NOL6: variants seen among roughly 807,000 people sequenced by gnomAD.
The protein encoded by NOL6 is nucleolar RNA-associated protein.
Under a neutral mutation model 131.7 loss-of-function variants are expected in NOL6, and 33 were observed. The ratio of observed to expected loss-of-function variants is 0.25; its 90% CI spans 0.19 to 0.33. The LOEUF (loss-of-function observed/expected upper bound fraction) is 0.33. NOL6 is among the 10% of genes least tolerant of loss of function. NOL6 has a pLI of 1.00. For missense variants in NOL6, 1,297 were observed against 1,494.5 expected (o/e 0.87, Z 2.18); for synonymous variants, 580 against 605.7 (o/e 0.96, Z 0.62).
In NOL6 at chr9:33,465,367, G is replaced by C. The variant is rs537719873; in HGVS notation, c.2529-8C>G. The C allele has an allele frequency of 5.1e-6, 8 of 1,580,398 alleles. No individual in the cohort carries two copies. Among genetic ancestry groups the C allele is most frequent in the Admixed American group, 1.8e-5 (1 of 56,376 alleles). On this transcript the variant is annotated splice_polypyrimidine_tract_variant and splice_region_variant and intron_variant, in intron 19 of 25. Coordinates refer to ENST00000297990, the MANE Select transcript of NOL6 (RefSeq NM_022917.5). ...GGGTGCTGCTGCTGCAGTCTGCAGA[G>C]AGAAGGGGAGTGTCAGCGAGACTCA... is the stretch of plus-strand genomic sequence containing the variant.
intron 1 of NOL6, 179 bp from the exon 2 acceptor site, chr9:33,472,591 G>A (rs1441697898): frequency 2.4e-5 from 15 of 615,316 alleles, no homozygotes; most frequent in Non-Finnish European, 3.7e-5. Flanking sequence ...ACTGAGCGCT[G>A]AGCCGAAAAT....
intron 19 of NOL6, 150 bp from the exon 20 acceptor site, chr9:33,465,509 T>A: frequency 8.8e-7 from 1 of 1,132,516 alleles, no homozygotes; most frequent in Non-Finnish European, 1.2e-6. Flanking sequence ...ACCCTAGTGT[T>A]ATTTCCATTT....
rs1430576730 is a variant in NOL6, at chr9:33,464,109, G to C, written c.2832C>G (p.Leu944=). The part of the protein sequence containing the change: ...RSGFLAARAQ[L]PVMVIVTPQD... Reference sequence around the variant, plus strand: ...GGGGGGTAACAATGACCATGACGGGGAGCTGTGCCCGAGCTGCCAGGAAGC... The same window carrying C: ...GGGGGGTAACAATGACCATGACGGGCAGCTGTGCCCGAGCTGCCAGGAAGC... Residue 944 remains leucine (L), a synonymous_variant, in exon 22 of 26, where the codon CTC becomes CTG. Transcript: ENST00000297990. 6.2e-7 allele frequency: 1 copy of C among 1,613,652 alleles called. No homozygotes were observed. The highest frequency in any genetic ancestry group is 1.3e-5 in the African/African-American group (1 of 74,964).
chr9:33,466,801 A>AC, intron 15 of NOL6, 92 bp from the exon 16 acceptor site: 1 of 1,577,792 alleles, frequency 6.3e-7, no homozygotes, highest in Non-Finnish European at 8.7e-7. Context: ...CAGAGCCAGC[A>AC]CCGCCGCCTG....
rs201102024 is a variant in NOL6, at chr9:33,468,067, G to A, written c.1387C>T (p.Pro463Ser). Residue 463 changes from proline (P) to serine (S), a missense_variant, in exon 11 of 26, where the codon CCC becomes TCC. Transcript: ENST00000297990. ...TCAAAAGCCCGGATCATGGGTTTGG[G>A]AGTCATCAACAGCAGGTGGAACCCG... ...DDGFHLLLMT[P>S]KPMIRAFDHV... The A allele has an allele frequency of 7.4e-6, 12 of 1,614,146 alleles. No individual in the cohort carries two copies. The highest frequency in any genetic ancestry group is 1.0e-5 in the Non-Finnish European group (12 of 1,180,038).
chr9:33,473,563 T>C (rs369721567), intron 1 of NOL6, among the ~76,000 whole-genome samples: 1 of 152,044 alleles, frequency 6.6e-6, no homozygotes, highest in Non-Finnish European at 1.5e-5. Context: ...GGTGCAGAGC[T>C]CCAGAAGAGA....
intron 3 of NOL6, among the ~76,000 whole-genome samples, chr9:33,471,473 C>T (rs1333360359): frequency 6.6e-6 from 1 of 152,224 alleles, no homozygotes; most frequent in Non-Finnish European, 1.5e-5. Context: ...AGGAATGTAA[C>T]TGGAACATTC....
rs1360121260 is a variant in NOL6, at chr9:33,467,218, C to T, written c.1770G>A (p.Arg590=). ...CCCGAATGGCTCCGTCCTGGAAACGCCGAAGCTCCGAGCGGGATCCCCAGA... is the reference window on the plus strand; with the variant it reads ...CCCGAATGGCTCCGTCCTGGAAACGTCGAAGCTCCGAGCGGGATCCCCAGA... ...RQFWGSRSEL[R]RFQDGAIREA... The change falls in exon 14 of 26, where the codon CGG becomes CGA. Residue 590 remains arginine (R), a synonymous_variant. Transcript: ENST00000297990. The surrounding 1 kb of genome is among the most constrained non-coding windows in gnomAD (Gnocchi z 4.4). 3.1e-6 allele frequency: 5 copies of T among 1,614,070 alleles called. No homozygotes were observed. In the East Asian group the frequency reaches 8.9e-5, roughly 29 times the overall value.
rs369056877 is a variant in NOL6 at position 33,463,203 on chromosome 9, C to A, written c.3189+44G>T. The A allele has an allele frequency of 5.0e-6, 8 of 1,611,186 alleles. 1 individual carries two copies. In the East Asian group the frequency reaches 1.8e-4, roughly 36 times the overall value. On this transcript the variant is annotated intron_variant, in intron 24 of 25. Transcript: ENST00000297990. Reference sequence around the variant, plus strand: ...GAGCTCCTCCACAGCCTCAGCTTCACCTGGAAGTCCCCTCCCCAGGTCATT... The same window carrying A: ...GAGCTCCTCCACAGCCTCAGCTTCAACTGGAAGTCCCCTCCCCAGGTCATT...
intron 3 of NOL6, 47 bp downstream of exon 3, chr9:33,471,957 C>A: frequency 1.5e-6 from 2 of 1,325,538 alleles, no homozygotes; most frequent in Non-Finnish European, 2.2e-6. Flanking sequence ...TATACCCCCA[C>A]TGGAGGTCTC....
chr9:33,467,518 T>TG lies in NOL6; in HGVS notation c.1603-3dup. 1 of 1,614,108 alleles carries TG rather than the reference T, an allele frequency of 6.2e-7. No individual in the cohort carries two copies. ...TGGTGGATCTTGGCTGATGTCCCAC[T>TG]GCAGGATTTCAAAAGGCTGAGCTCA... is the stretch of plus-strand genomic sequence containing the variant. On this transcript the variant is annotated splice_polypyrimidine_tract_variant and splice_region_variant and intron_variant, in intron 12 of 25. Coordinates refer to ENST00000297990, the MANE Select transcript of NOL6 (RefSeq NM_022917.5). This position sits in a 1 kb window ranked among gnomAD's most constrained non-coding sequence, Gnocchi z 4.4.
At chr9:33,463,993 T>C (rs1259567533) in intron 22 of NOL6, 44 bp downstream of exon 22, 3 of 1,612,640 alleles carry the variant, frequency 1.9e-6, no homozygotes, top group Non-Finnish European at 1.7e-6. Context: ...TGCTTTTTCC[T>C]TGGGAAGAAA....
Position 33,464,084 on chromosome 9 carries a change from G to T in NOL6, c.2857C>A (p.Gln953Lys). The T allele has an allele frequency of 6.2e-7, 1 of 1,613,604 alleles. No individual in the cohort carries two copies. Among genetic ancestry groups the T allele is most frequent in the Non-Finnish European group, 8.5e-7 (1 of 1,179,750 alleles). ...QLPVMVIVTP[Q>K]DRKNSVWTQD... ...GTCCACACAGAGTTTTTGCGGTCTT[G>T]GGGGGTAACAATGACCATGACGGGG... is the stretch of plus-strand genomic sequence containing the variant. Residue 953 changes from glutamine to lysine, a missense_variant, in exon 22 of 26, where the codon CAA (glutamine) becomes AAA (lysine). By Grantham distance (53) the Gln-to-Lys change is moderately conservative (BLOSUM62 1). Coordinates refer to ENST00000297990, the MANE Select transcript of NOL6 (RefSeq NM_022917.5).
In NOL6 at chr9:33,462,733, C is replaced by G. The variant is rs1465942944; in HGVS notation, c.3372G>C (p.Glu1124Asp). The G allele has an allele frequency of 1.2e-6, 2 of 1,614,170 alleles. No individual in the cohort carries two copies. The highest frequency in any genetic ancestry group is 1.7e-6 in the Non-Finnish European group (2 of 1,180,042). ...VMVPNVEAILEDFAVLGEGLV... is the reference protein window; with the variant it reads ...VMVPNVEAILDDFAVLGEGLV... ...GGCCTTCACCCAGCACAGCAAAGTC[C>G]TCCAGGATTGCTTCAACATTGGGCA... The change falls in exon 26 of 26, where the codon GAG (glutamate) becomes GAC (aspartate). Residue 1124 changes from glutamate to aspartate, a missense_variant. Transcript: ENST00000297990.
rs1827126013 is a variant in NOL6 at position 33,462,536 on chromosome 9, A to C, written c.*128T>G. Reference sequence around the variant, plus strand: ...GGCTGGGTTTTGTTGGAGATGATTCAGCATGTTCAGCCAGCAGGCCCTCCA... The same window carrying C: ...GGCTGGGTTTTGTTGGAGATGATTCCGCATGTTCAGCCAGCAGGCCCTCCA... On this transcript the variant is annotated 3_prime_UTR_variant, in exon 26 of 26. Coordinates refer to ENST00000297990, the MANE Select transcript of NOL6 (RefSeq NM_022917.5). The C allele has an allele frequency of 1.9e-6, 2 of 1,062,630 alleles. No individual in the cohort carries two copies. Among genetic ancestry groups the C allele is most frequent in the Non-Finnish European group, 2.7e-6 (2 of 728,546 alleles). The allele number at this position is 1,062,630 out of a possible 1,614,324, so 65.8% of individuals were successfully genotyped here.
chr9:33,468,977 C>A lies in NOL6; in HGVS notation c.1007G>T (p.Arg336Leu), dbSNP rs376740139. ...ACTCACCTTGTCCAGCTCCCGCTGC[C>A]GCAGCCAGACCTTCAGAAGTGCCAC... ...DGVALLKVWL[R>L]QRELDKGQGG... Residue 336 changes from arginine (R) to leucine (L), a missense_variant, in exon 7 of 26, where the codon CGG (arginine) becomes CTG (leucine). Transcript: ENST00000297990. 1.9e-6 allele frequency: 3 copies of A among 1,614,032 alleles called. No individual in the cohort carries two copies. Among genetic ancestry groups the A allele is most frequent in the African/African-American group, 1.3e-5 (1 of 74,926 alleles).
rs1223835705 is a variant in NOL6 at position 33,467,574 on chromosome 9, C to T, written c.1603-58G>A. ...CCAATCCTCCAGCCTGGCCTAGAAA[C>T]CTACTTTCTAGCTAGCTAGAAACGC... On this transcript the variant is annotated intron_variant, in intron 12 of 25. Transcript: ENST00000297990. The surrounding 1 kb of genome is among the most constrained non-coding windows in gnomAD (Gnocchi z 4.4). The T allele has an allele frequency of 4.4e-6, 7 of 1,600,966 alleles. No homozygotes were observed. Among genetic ancestry groups the T allele is most frequent in the Non-Finnish European group, 6.0e-6 (7 of 1,171,526 alleles).
chr9:33,465,019 T>C (rs564004540), intron 20 of NOL6, 43 bp from the exon 21 acceptor site: 167 of 1,543,278 alleles, frequency 1.1e-4, no homozygotes, highest in Middle Eastern at 3.7e-4. Context: ...CCCAGCCACA[T>C]ATCCCCAGGC....
At chr9:33,469,390 G>C (rs779139845) in intron 5 of NOL6, 49 bp from the exon 6 acceptor site, 1 of 1,612,300 alleles carries the variant, frequency 6.2e-7, no homozygotes, top group South Asian at 1.1e-5. Flanking sequence ...CTTGGAGCCA[G>C]AGGGCTCCCC....
Sources: allele counts gnomAD v4.1 joint callset (sites outside exome capture counted in the v4.1 genomes callset), GRCh38; gene constraint gnomAD v4.1.1; non-coding constraint Gnocchi (gnomAD v3.1); transcripts MANE v1.5; gene names NCBI Gene and HGNC (gene_info 2026-07-23, HGNC 2026-07-21).